SKIL: variants seen among roughly 807,000 people sequenced by gnomAD.
SKIL encodes SKI like proto-oncogene, also known as ski-like protein.
Under a neutral mutation model 69.6 loss-of-function variants are expected in SKIL, and 20 were observed. The observed-to-expected ratio is 0.29, with a 90% CI of 0.20 to 0.42. The LOEUF (loss-of-function observed/expected upper bound fraction) is 0.42, where lower values mean the gene tolerates loss of function less well. Ranked by LOEUF, SKIL falls within the 10% of genes least tolerant of loss-of-function variation. The pLI is 1.00. For missense variants in SKIL, 745 were observed against 783.1 expected (o/e 0.95, Z 0.58); for synonymous variants, 310 against 279.9 (o/e 1.11, Z -1.08).
chr3:170,390,804 A>T (rs540840028), intron 5 of SKIL, among the ~76,000 whole-genome samples: 1 of 152,338 alleles, frequency 6.6e-6, no homozygotes, highest in Admixed American at 6.5e-5. Flanking sequence ...TAGTAAGAAA[A>T]GTCAAAACGA....
chr3:170,372,400 G>T (rs1359455243), intron 2 of SKIL, among the ~76,000 whole-genome samples: 1 of 152,182 alleles, frequency 6.6e-6, no homozygotes, highest in African/African-American at 2.4e-5. Flanking sequence ...CTGACGATCT[G>T]TTTTTGATCA....
chr3:170,387,822 T>A (rs1244483680), intron 4 of SKIL, among the ~76,000 whole-genome samples: 1 of 132,860 alleles, frequency 7.5e-6, no homozygotes, highest in African/African-American at 2.7e-5. Context: ...TAGTCCCAGC[T>A]ACTTGGGAGG....
chr3:170,396,540 C>G lies in SKIL; in HGVS notation c.*4123C>G, dbSNP rs1231734669. 1 of 152,054 alleles carries G rather than the reference C, an allele frequency of 6.6e-6. No homozygotes were observed. The highest frequency in any genetic ancestry group is 1.5e-5 in the Non-Finnish European group (1 of 68,016). The allele number at this position is 152,054 out of a possible 1,614,324, so 9.4% of individuals were successfully genotyped here. The stretch of plus-strand genomic sequence containing the variant: ...ACCATAATTAAAGTTAAAATTTTGC[C>G]AATGATGTACAGTTTTATGGTTAAA... On this transcript the variant is annotated 3_prime_UTR_variant, in exon 7 of 7. Transcript: ENST00000259119.
At position 170,395,111 on chromosome 3, in the gene SKIL, T is replaced by G. The variant is rs1474751435; in HGVS notation, c.*2694T>G. ...GCTCATCTTTAGAAGGAAGAAAGAA[T>G]ATTAGCTTGGGTGATGTTTAATTTG... On this transcript the variant is annotated 3_prime_UTR_variant, in exon 7 of 7. Transcript: ENST00000259119. 1 of 152,158 alleles carries G rather than the reference T, an allele frequency of 6.6e-6. No individual in the cohort carries two copies. The highest frequency in any genetic ancestry group is 1.9e-4 in the East Asian group (1 of 5,200). The allele number at this position is 152,158 out of a possible 1,614,324, so 9.4% of individuals were successfully genotyped here.
chr3:170,372,856 T>G (rs549127089), intron 2 of SKIL, among the ~76,000 whole-genome samples: 16 of 152,330 alleles, frequency 1.1e-4, no homozygotes, highest in Middle Eastern at 3.4e-3. Flanking sequence ...CTTGTGTAAA[T>G]AGGCCATTAG....
At chr3:170,361,637 G>A (rs1463216482) in intron 2 of SKIL, among the ~76,000 whole-genome samples, 2 of 152,196 alleles carry the variant, frequency 1.3e-5, no homozygotes, top group African/African-American at 4.8e-5. Context: ...TCCTGTGAGA[G>A]AAGTAAGACT....
intron 2 of SKIL, among the ~76,000 whole-genome samples, chr3:170,368,959 A>G (rs145933771): frequency 9.2e-5 from 14 of 152,290 alleles, no homozygotes; most frequent in Non-Finnish European, 1.5e-4. Flanking sequence ...TAGATTGGAT[A>G]AGGTTTTGTT....
chr3:170,378,030 A>T (rs1378756022), intron 2 of SKIL, among the ~76,000 whole-genome samples: 1 of 151,900 alleles, frequency 6.6e-6, no homozygotes, highest in African/African-American at 2.4e-5. Flanking sequence ...AGTAGCTAGG[A>T]TTACAGGTGC....
Position 170,363,098 on chromosome 3 carries a change from TAAC to T in SKIL, c.1098+1672_1098+1674del, listed in dbSNP as rs570839398. 1.7e-3 allele frequency among the ~76,000 whole-genome samples: 259 copies of T among 152,238 alleles called. 1 individual carries two copies. Among genetic ancestry groups the T allele is most frequent in the African/African-American group, 5.7e-3 (237 of 41,546 alleles). ...TACATATATAATTTTATTTAATTCT[TAAC>T]AAGAGGTTGGCTGTGTTTCATTTAG... On this transcript the variant is annotated intron_variant, in intron 2 of 6. Transcript: ENST00000259119.
chr3:170,377,138 T>TTACATA (rs1737068152), intron 2 of SKIL, among the ~76,000 whole-genome samples: 1 of 152,214 alleles, frequency 6.6e-6, no homozygotes, highest in Non-Finnish European at 1.5e-5. Context: ...AGCTATAGGC[T>TTACATA]GAGGAACTAT....
Position 170,392,500 on chromosome 3 carries a change from ATT to A in SKIL, c.*85_*86del, listed in dbSNP as rs750777168. On this transcript the variant is annotated 3_prime_UTR_variant, in exon 7 of 7. Coordinates refer to ENST00000259119, the MANE Select transcript of SKIL (RefSeq NM_005414.5). ...TGCTTTGGTAATTGAATTCTGAAGA[ATT>A]TATCTGCATGACGATAACTAGGCAT... The A allele has an allele frequency of 4.0e-5, 32 of 799,170 alleles. No individual in the cohort carries two copies. The East Asian group carries it at 4.6e-4, about 12-fold the overall frequency. The allele number at this position is 799,170 out of a possible 1,614,324, so 49.5% of individuals were successfully genotyped here.
At chr3:170,385,496 T>C (rs1245900676) in intron 4 of SKIL, among the ~76,000 whole-genome samples, 1 of 152,164 alleles carries the variant, frequency 6.6e-6, no homozygotes, top group Non-Finnish European at 1.5e-5. Flanking sequence ...AGCTTAGTTA[T>C]GGAATAAAGC....
chr3:170,391,701 A>C (rs1737932078), intron 6 of SKIL, among the ~76,000 whole-genome samples: 1 of 152,116 alleles, frequency 6.6e-6, no homozygotes, highest in South Asian at 2.1e-4. Context: ...ATTCTGTTAA[A>C]CATAGCTTTA....
intron 2 of SKIL, among the ~76,000 whole-genome samples, chr3:170,364,893 G>A (rs1399891484): frequency 6.6e-6 from 1 of 152,038 alleles, no homozygotes; most frequent in Non-Finnish European, 1.5e-5. Flanking sequence ...GTTTCTTTCT[G>A]ATCTTTTTGC....
At chr3:170,377,652 G>A (rs182915650) in intron 2 of SKIL, among the ~76,000 whole-genome samples, 197 of 145,768 alleles carry the variant, frequency 1.4e-3, no homozygotes, top group Middle Eastern at 3.6e-3. Flanking sequence ...GAGTTCAAGC[G>A]ATTCTCCTGC....
intron 2 of SKIL, among the ~76,000 whole-genome samples, chr3:170,365,752 C>CTTGTTTTTTTTTTT (rs1736468091): frequency 9.4e-6 from 1 of 106,498 alleles, no homozygotes; most frequent in Non-Finnish European, 1.8e-5. Flanking sequence ...TCAAACTAGG[C>CTTGTTTTTTTTTTT]TTTTTTTTTT....
chr3:170,361,156 A>T lies in SKIL; in HGVS notation c.825A>T (p.Leu275Phe). ...EHECLGKCQG[L>F]FAPQFYVQPD... ...AATGCCTAGGCAAATGTCAGGGTTT[A>T]TTTGCACCCCAGTTTTATGTTCAGC... The change falls in exon 2 of 7, where the codon TTA becomes TTT. Residue 275 changes from leucine to phenylalanine, a missense_variant. By Grantham distance (22) the Leu-to-Phe change is conservative. Coordinates refer to ENST00000259119, the MANE Select transcript of SKIL (RefSeq NM_005414.5). 6.2e-7 allele frequency: 1 copy of T among 1,614,134 alleles called. No individual in the cohort carries two copies. Among genetic ancestry groups the T allele is most frequent in the Non-Finnish European group, 8.5e-7 (1 of 1,180,020 alleles).
At chr3:170,381,408 T>C in intron 3 of SKIL, 67 bp downstream of exon 3, 3 of 812,068 alleles carry the variant, frequency 3.7e-6, no homozygotes, top group Non-Finnish European at 2.2e-6. Flanking sequence ...TGCCATGCAC[T>C]ATTCTAGGAC....
Position 170,360,765 on chromosome 3 carries a change from C to T in SKIL, c.434C>T (p.Thr145Ile), listed in dbSNP as rs1349870379. Residue 145 changes from threonine (T) to isoleucine (I), a missense_variant, in exon 2 of 7, where the codon ACT (threonine) becomes ATT (isoleucine). By Grantham distance (89) the Thr-to-Ile change is moderately conservative. Coordinates refer to ENST00000259119, the MANE Select transcript of SKIL (RefSeq NM_005414.5). ...CCTTCAGATAGCTCCACAGAACTCA[C>T]TCAGACTGTGTTGGAAGGGGAATCT... ...LIPSDSSTELTQTVLEGESIS... is the reference protein window; with the variant it reads ...LIPSDSSTELIQTVLEGESIS... 20 of 1,614,076 alleles carry T rather than the reference C, an allele frequency of 1.2e-5. No individual in the cohort carries two copies. The highest frequency in any genetic ancestry group is 1.7e-5 in the Non-Finnish European group (20 of 1,180,034).
Sources: gnomAD v4.1 joint callset for allele counts (sites outside exome capture counted in the v4.1 genomes callset) on GRCh38, gnomAD v4.1.1 for gene constraint, MANE v1.5 for transcripts, NCBI Gene and HGNC (gene_info 2026-07-23, HGNC 2026-07-21) for gene names.